NASP: variants seen among roughly 807,000 people sequenced by gnomAD.
NASP encodes NASP histone chaperone.
In NASP, 24 loss-of-function variants were observed where a neutral mutation model predicts 89.5. The observed-to-expected ratio is 0.27, with a 90% CI of 0.19 to 0.38. The LOEUF (loss-of-function observed/expected upper bound fraction) is 0.38, where lower values mean the gene tolerates loss of function less well. Ranked by LOEUF, NASP falls within the 10% of genes least tolerant of loss-of-function variation. The pLI, the probability that NASP is intolerant of heterozygous loss-of-function variation, is 1.00. For synonymous variants in NASP, 306 were observed against 324.7 expected (o/e 0.94, Z 0.62); for missense variants, 848 against 921.4 (o/e 0.92, Z 1.03).
chr1:45,591,903 C>G (rs908164621), intron 2 of NASP, among the ~76,000 whole-genome samples: 2 of 152,188 alleles, frequency 1.3e-5, no homozygotes, highest in Admixed American at 6.5e-5. Flanking sequence ...TCACCACCAC[C>G]TCGAACTCCC....
intron 9 of NASP, among the ~76,000 whole-genome samples, chr1:45,614,725 G>A (rs1181605323): frequency 6.6e-6 from 1 of 152,052 alleles, no homozygotes; most frequent in African/African-American, 2.4e-5. Context: ...TTTTAGTAGA[G>A]ACGGGGTTTC....
In NASP at chr1:45,598,172, C is replaced by CTTT. The variant is rs35993035; in HGVS notation, c.108-4069_108-4067dup. On this transcript the variant is annotated intron_variant, in intron 2 of 14. Coordinates refer to ENST00000350030, the MANE Select transcript of NASP (RefSeq NM_002482.4). ...TTGACCCAATCCATTACTCCTGTTA[C>CTTT]TTTTTTTTTTTTTTTTGAGATGGAG... Among the ~76,000 whole-genome samples, 241 of 136,678 alleles carry CTTT rather than the reference C, an allele frequency of 1.8e-3. 2 individuals are homozygous for CTTT. The highest frequency in any genetic ancestry group is 4.1e-3 in the African/African-American group (152 of 36,750). 89.7% of individuals were successfully genotyped at this position (136,678 alleles called of 152,430 possible). A position where few individuals can be genotyped will look rare whatever the true frequency, so the allele number is the denominator to read the frequency against.
rs778891257 is a variant in NASP at position 45,607,575 on chromosome 1, C to T, written c.664C>T (p.Pro222Ser). The T allele has an allele frequency of 1.7e-5, 27 of 1,613,666 alleles. 1 individual carries two copies. The South Asian group carries it at 2.5e-4, about 15-fold the overall frequency. The change falls in exon 6 of 15, where the codon CCG (proline) becomes TCG (serine). Residue 222 changes from proline to serine, a missense_variant. This residue lies in a region of NASP where 464 missense variants were observed against 469.4 expected (regional missense o/e 0.99). Transcript: ENST00000350030. Reference protein sequence around the residue: ...EAKGGAAPEGPNEAEVTSGKP... With the variant: ...EAKGGAAPEGSNEAEVTSGKP... ...AAAAGGAGGAGCAGCACCAGAAGGACCGAATGAAGCTGAGGTCACTTCTGG... is the reference window on the plus strand; with the variant it reads ...AAAAGGAGGAGCAGCACCAGAAGGATCGAATGAAGCTGAGGTCACTTCTGG...
chr1:45,616,482 A>C (rs1020724625), intron 12 of NASP, 89 bp downstream of exon 12: 27 of 1,526,044 alleles, frequency 1.8e-5, no homozygotes, highest in Non-Finnish European at 2.4e-5. Flanking sequence ...AGGCCAAGGC[A>C]GGAAGATTGC....
chr1:45,590,783 T>C (rs909312827), intron 1 of NASP, among the ~76,000 whole-genome samples: 1 of 143,594 alleles, frequency 7.0e-6, no homozygotes, highest in African/African-American at 2.6e-5. Context: ...TATAGGGAAA[T>C]AAAAGACCTA....
At chr1:45,588,418 T>A (rs1037381098) in intron 1 of NASP, among the ~76,000 whole-genome samples, 13 of 152,164 alleles carry the variant, frequency 8.5e-5, no homozygotes, top group South Asian at 4.1e-4. Flanking sequence ...CTTCTTTTTT[T>A]AAAATTAATT....
chr1:45,600,290 A>T, intron 2 of NASP: 1 of 780,714 alleles, frequency 1.3e-6, no homozygotes. Context: ...ACATATGTAT[A>T]CACCTGTAAA....
At position 45,587,198 on chromosome 1, in the gene NASP, G is replaced by GTT. The variant is rs1422617807; in HGVS notation, c.59+3002_59+3003dup. On this transcript the variant is annotated intron_variant, in intron 1 of 14. Coordinates refer to ENST00000350030, the MANE Select transcript of NASP (RefSeq NM_002482.4). ...AGTTCTTAGTTGGTTTTTTTTTGTTGTTTTTTTTTTGAGAGGGAGTTTTGT... is the reference window on the plus strand; with the variant it reads ...AGTTCTTAGTTGGTTTTTTTTTGTTGTTTTTTTTTTTTGAGAGGGAGTTTTGT... Among the ~76,000 whole-genome samples, 3 of 147,098 alleles carry GTT rather than the reference G, an allele frequency of 2.0e-5. No individual in the cohort carries two copies. In the South Asian group the frequency reaches 6.4e-4, roughly 32 times the overall value.
At chr1:45,597,136 G>A (rs1360420131) in intron 2 of NASP, among the ~76,000 whole-genome samples, 5 of 151,798 alleles carry the variant, frequency 3.3e-5, no homozygotes, top group Admixed American at 6.6e-5. Flanking sequence ...TGGTGAAACC[G>A]TCTCTACTAA....
At chr1:45,602,159 G>A (rs2148350326) in intron 2 of NASP, 96 bp from the exon 3 acceptor site, 1 of 1,461,002 alleles carries the variant, frequency 6.8e-7, no homozygotes, top group Non-Finnish European at 9.1e-7. Flanking sequence ...TAGTCCAAAA[G>A]TTTTAAAAAA....
At chr1:45,585,675 T>G (rs1418597183) in intron 1 of NASP, among the ~76,000 whole-genome samples, 1 of 152,174 alleles carries the variant, frequency 6.6e-6, no homozygotes, top group African/African-American at 2.4e-5. Flanking sequence ...TTTTGTTTTG[T>G]TTTTGCAGAC....
intron 2 of NASP, among the ~76,000 whole-genome samples, 162 bp downstream of exon 2, chr1:45,591,432 C>A (rs1200374479): frequency 6.6e-6 from 1 of 152,216 alleles, no homozygotes; most frequent in Non-Finnish European, 1.5e-5. Flanking sequence ...GGGCTCACTA[C>A]AACCTTGAAC....
At chr1:45,586,292 T>TGTG (rs1378027593) in intron 1 of NASP, among the ~76,000 whole-genome samples, 6 of 95,746 alleles carry the variant, frequency 6.3e-5, no homozygotes, top group African/African-American at 2.7e-4. Context: ...GTGGTGTGTG[T>TGTG]GTGTGTGTGT....
chr1:45,613,382 T>TAA, intron 7 of NASP, 134 bp downstream of exon 7: 1 of 1,014,220 alleles, frequency 9.9e-7, no homozygotes, highest in Non-Finnish European at 1.4e-6. Context: ...GACCCGGGCT[T>TAA]AAGTGATCGC....
intron 2 of NASP, chr1:45,592,686 T>G (rs951096143): frequency 7.2e-5 from 11 of 152,186 alleles, no homozygotes; most frequent in African/African-American, 2.7e-4. Flanking sequence ...GGCTAATTTT[T>G]GTATTTTTAG....
At chr1:45,584,284 C>A in intron 1 of NASP, 79 bp downstream of exon 1, 1 of 1,367,722 alleles carries the variant, frequency 7.3e-7, no homozygotes, top group Non-Finnish European at 1.0e-6. Context: ...GGAGAAGGGG[C>A]AGACCGGTGG....
rs75882078 is a variant in NASP, at chr1:45,596,155, G to A, written c.107+4885G>A. On this transcript the variant is annotated intron_variant, in intron 2 of 14. Transcript: ENST00000350030. ...CATGAAAAATAAAAATTTTGGATAA[G>A]TTATATATCAACTGCTGTTGTGAGA... 5.5e-4 allele frequency among the ~76,000 whole-genome samples: 84 copies of A among 152,282 alleles called. No individual in the cohort carries two copies. In the East Asian group the frequency reaches 0.013, roughly 24 times the overall value.
At chr1:45,608,517 G>C in intron 6 of NASP, 180 bp downstream of exon 6, 1 of 638,206 alleles carries the variant, frequency 1.6e-6, no homozygotes, top group South Asian at 2.0e-5. Flanking sequence ...TCAATCAAAA[G>C]CAGCAAGTCT....
intron 1 of NASP, among the ~76,000 whole-genome samples, chr1:45,588,095 C>T (rs1644583851): frequency 6.6e-6 from 1 of 150,386 alleles, no homozygotes; most frequent in Non-Finnish European, 1.5e-5. Flanking sequence ...CAAAAATCAG[C>T]CAGGCGTGGT....
Sources: gnomAD v4.1 joint callset for allele counts (sites outside exome capture counted in the v4.1 genomes callset) on GRCh38, gnomAD v4.1.1 for gene constraint, gnomAD v4.1.1 regional missense constraint, MANE v1.5 for transcripts, NCBI Gene and HGNC (gene_info 2026-07-23, HGNC 2026-07-21) for gene names.